Variants in IGSF3 observed in about 807,000 individuals in gnomAD.
IGSF3 encodes the protein immunoglobulin superfamily member 3.
Under a neutral mutation model 114.4 loss-of-function variants are expected in IGSF3, and 23 were observed. That is an observed-to-expected ratio of 0.20 (90% CI 0.14 to 0.28). The LOEUF (loss-of-function observed/expected upper bound fraction) is 0.28, where lower values mean the gene tolerates loss of function less well. Ranked by LOEUF, IGSF3 falls within the 10% of genes least tolerant of loss-of-function variation. The pLI is 1.00. For missense variants in IGSF3, 1,172 were observed against 1,591.5 expected (o/e 0.74, Z 4.48); for synonymous variants, 571 against 645.2 (o/e 0.88, Z 1.74).
rs879020682 is a variant in IGSF3 at position 116,585,148 on chromosome 1, CAGA to C, written c.2441-99_2441-97del. On this transcript the variant is annotated intron_variant, in intron 8 of 10. Coordinates refer to ENST00000369486, the MANE Select transcript of IGSF3 (RefSeq NM_001007237.3). This position sits in a 1 kb window ranked among gnomAD's most constrained non-coding sequence, Gnocchi z 4.9. Reference sequence around the variant, plus strand: ...TAGGTGAATGGATGCCTTCCAAATACAGAAGGACGGCAGCACACACTCCATTAG... The same window carrying C: ...TAGGTGAATGGATGCCTTCCAAATACAGGACGGCAGCACACACTCCATTAG... 6 of 907,460 alleles carry C rather than the reference CAGA, an allele frequency of 6.6e-6. No individual in the cohort carries two copies. The South Asian group carries it at 1.1e-4, about 17-fold the overall frequency. 56.2% of individuals were successfully genotyped at this position (907,460 alleles called of 1,614,324 possible).
rs1223992121 is a variant in IGSF3 at position 116,592,065 on chromosome 1, T to G, written c.2030-2961A>C. Among the ~76,000 whole-genome samples, 10 of 152,140 alleles carry G rather than the reference T, an allele frequency of 6.6e-5. No individual in the cohort carries two copies. The highest frequency in any genetic ancestry group is 2.9e-5 in the Non-Finnish European group (2 of 68,026). On this transcript the variant is annotated intron_variant, in intron 7 of 10. Transcript: ENST00000369486. The surrounding 1 kb of genome is among the most constrained non-coding windows in gnomAD (Gnocchi z 4.5). ...CACTTAGAATGGGAGTTGTCAAGCA[T>G]AAGTGGCAATCTTCCTGCTCAAAGT...
intron 7 of IGSF3, among the ~76,000 whole-genome samples, chr1:116,590,457 C>T (rs1161870603): frequency 6.6e-6 from 1 of 152,110 alleles, no homozygotes; most frequent in African/African-American, 2.4e-5. Context: ...ACTCTCTTCA[C>T]ACTTAGTTTT....
rs754176555 is a variant in IGSF3, at chr1:116,579,910, G to A, written c.2849-33C>T. 2 of 1,546,534 alleles carry A rather than the reference G, an allele frequency of 1.3e-6. No individual in the cohort carries two copies. Among genetic ancestry groups the A allele is most frequent in the African/African-American group, 1.4e-5 (1 of 72,758 alleles). On this transcript the variant is annotated intron_variant, in intron 9 of 10. Transcript: ENST00000369486. The surrounding 1 kb of genome is among the most constrained non-coding windows in gnomAD (Gnocchi z 6.4). ...ATGACAAGGGACAAACAGGGAAGGG[G>A]TTGTTTAAATTTATTTGCTCAAAAT...
At chr1:116,609,263 C>T (rs588017) in intron 4 of IGSF3, among the ~76,000 whole-genome samples, 79,821 of 151,724 alleles carry the variant, frequency 0.53, 24,559 homozygotes, top group African/African-American at 0.86. Context: ...TACTTATTTA[C>T]TGTGACAGGG....
At chr1:116,645,911 C>T (rs1307708022) in intron 2 of IGSF3, among the ~76,000 whole-genome samples, 1 of 152,194 alleles carries the variant, frequency 6.6e-6, no homozygotes, top group Non-Finnish European at 1.5e-5. Flanking sequence ...CCTGGTGGGG[C>T]CCTGGAAGCC....
chr1:116,637,844 G>T (rs763591418), intron 2 of IGSF3, among the ~76,000 whole-genome samples: 2 of 152,164 alleles, frequency 1.3e-5, no homozygotes, highest in Non-Finnish European at 2.9e-5. Flanking sequence ...ATTCAGATGA[G>T]TGTGACCTCT....
chr1:116,658,526 A>G (rs1398112942), intron 2 of IGSF3, among the ~76,000 whole-genome samples: 3 of 151,982 alleles, frequency 2.0e-5, no homozygotes, highest in African/African-American at 7.3e-5. Context: ...TAGCCCAGAT[A>G]CCCAGTCCTC....
chr1:116,660,986 C>T (rs1188998098), intron 2 of IGSF3, among the ~76,000 whole-genome samples: 1 of 152,050 alleles, frequency 6.6e-6, no homozygotes, highest in Non-Finnish European at 1.5e-5. Flanking sequence ...CTTGTGAAAC[C>T]ATTCACTCAT....
In IGSF3 at chr1:116,585,056, G is replaced by C. The variant is rs199817022; in HGVS notation, c.2441-4C>G. ...TGGCTGAGCCTCAGGCGGCTGTCTG[G>C]AACAGTAAGGAAGAGACGTCAGCGA... On this transcript the variant is annotated splice_polypyrimidine_tract_variant and splice_region_variant and intron_variant, in intron 8 of 10. Coordinates refer to ENST00000369486, the MANE Select transcript of IGSF3 (RefSeq NM_001007237.3). The surrounding 1 kb of genome is among the most constrained non-coding windows in gnomAD (Gnocchi z 4.9). The C allele has an allele frequency of 4.8e-5, 73 of 1,521,520 alleles. No homozygotes were observed. In the East Asian group the frequency reaches 1.4e-3, roughly 30 times the overall value. 94.3% of individuals were successfully genotyped at this position (1,521,520 alleles called of 1,614,324 possible).
At chr1:116,620,490 C>G (rs953416060) in intron 2 of IGSF3, among the ~76,000 whole-genome samples, 1 of 152,176 alleles carries the variant, frequency 6.6e-6, no homozygotes, top group Non-Finnish European at 1.5e-5. Context: ...CCCTCTCAGA[C>G]CTTGCCCTAT....
In IGSF3 at chr1:116,584,195, CAA is replaced by C. The variant is rs55953316; in HGVS notation, c.2848+448_2848+449del. Among the ~76,000 whole-genome samples the C allele has an allele frequency of 6.1e-5, 9 of 147,366 alleles. No individual in the cohort carries two copies. The highest frequency in any genetic ancestry group is 6.8e-5 in the Admixed American group (1 of 14,772). ...TGGGTGACAGAGTGAGACTCCGTTT[CAA>C]AAAAAAAAAAGTATTGGGAAGTGAC... is the stretch of plus-strand genomic sequence containing the variant. On this transcript the variant is annotated intron_variant, in intron 9 of 10. Transcript: ENST00000369486. This position sits in a 1 kb window ranked among gnomAD's most constrained non-coding sequence, Gnocchi z 5.8.
At chr1:116,631,760 T>C (rs1214953168) in intron 2 of IGSF3, among the ~76,000 whole-genome samples, 1 of 152,178 alleles carries the variant, frequency 6.6e-6, no homozygotes, top group Non-Finnish European at 1.5e-5. Context: ...AGAAGTGATC[T>C]TCCCCAGCCA....
At chr1:116,591,218 T>C (rs554805327) in intron 7 of IGSF3, among the ~76,000 whole-genome samples, 2 of 152,344 alleles carry the variant, frequency 1.3e-5, no homozygotes, top group East Asian at 3.9e-4. Context: ...ACTTTTCAGA[T>C]TGGATTCCTA....
Position 116,648,948 on chromosome 1 carries a change from G to A in IGSF3, c.43+17336C>T, listed in dbSNP as rs758719456. Reference sequence around the variant, plus strand: ...CCCAGAAACACTGAGAGTCCTAGAGGTAGAATGAGTCAGCCAGCAAGCTCC... The same window carrying A: ...CCCAGAAACACTGAGAGTCCTAGAGATAGAATGAGTCAGCCAGCAAGCTCC... On this transcript the variant is annotated intron_variant, in intron 2 of 10. Coordinates refer to ENST00000369486, the MANE Select transcript of IGSF3 (RefSeq NM_001007237.3). This position sits in a 1 kb window ranked among gnomAD's most constrained non-coding sequence, Gnocchi z 4.7. 6.6e-6 allele frequency among the ~76,000 whole-genome samples: 1 copy of A among 152,182 alleles called. No individual in the cohort carries two copies. The highest frequency in any genetic ancestry group is 1.5e-5 in the Non-Finnish European group (1 of 68,040).
In IGSF3 at chr1:116,613,799, A is replaced by G. The variant is rs778759234; in HGVS notation, c.798T>C (p.Arg266=). The stretch of plus-strand genomic sequence containing the variant: ...GGACGTTGACCACGGCTCCCTCGGA[A>G]CGCTTTCGGGTCATAGCATACCACG... ...DGSWYAMTRK[R]SEGAVVNVQP... Residue 266 remains arginine (R), a synonymous_variant, in exon 4 of 11, where the codon CGT becomes CGC. Transcript: ENST00000369486. 3.7e-6 allele frequency: 6 copies of G among 1,613,874 alleles called. No individual in the cohort carries two copies. Among genetic ancestry groups the G allele is most frequent in the African/African-American group, 1.3e-5 (1 of 74,926 alleles).
rs1649336445 is a variant in IGSF3, at chr1:116,666,399, A to G, written c.-73T>C. 1.5e-6 allele frequency: 2 copies of G among 1,349,934 alleles called. No homozygotes were observed. Among genetic ancestry groups the G allele is most frequent in the Non-Finnish European group, 2.1e-6 (2 of 938,804 alleles). The allele number at this position is 1,349,934 out of a possible 1,614,324, so 83.6% of individuals were successfully genotyped here. ...AGCTCCTAATCTCTCATTTCTGGCAATCCACTTATAGCTCCAGAGAACAGT... is the reference window on the plus strand; with the variant it reads ...AGCTCCTAATCTCTCATTTCTGGCAGTCCACTTATAGCTCCAGAGAACAGT... On this transcript the variant is annotated 5_prime_UTR_variant, in exon 2 of 11. Transcript: ENST00000369486.
In IGSF3 at chr1:116,592,154, G is replaced by A. The variant is rs1660138339; in HGVS notation, c.2030-3050C>T. On this transcript the variant is annotated intron_variant, in intron 7 of 10. Transcript: ENST00000369486. The surrounding 1 kb of genome is among the most constrained non-coding windows in gnomAD (Gnocchi z 4.5). ...ATGCAGACTCTCAGGCCCCACCCCA[G>A]ACCCAGTAAGTCAGAATCTGCACTT... 6.6e-6 allele frequency among the ~76,000 whole-genome samples: 1 copy of A among 152,172 alleles called. No individual in the cohort carries two copies. Among genetic ancestry groups the A allele is most frequent in the Non-Finnish European group, 1.5e-5 (1 of 68,030 alleles).
chr1:116,614,665 C>A lies in IGSF3; in HGVS notation c.422-490G>T, dbSNP rs1355510538. Among the ~76,000 whole-genome samples the A allele has an allele frequency of 5.3e-5, 8 of 152,242 alleles. No homozygotes were observed. In the South Asian group the frequency reaches 1.7e-3, roughly 32 times the overall value. Reference sequence around the variant, plus strand: ...CCTGTAACTTACTTCAGCAATGCAGCCCTAGGAAGATGATTTTTTTAAAAA... The same window carrying A: ...CCTGTAACTTACTTCAGCAATGCAGACCTAGGAAGATGATTTTTTTAAAAA... On this transcript the variant is annotated intron_variant, in intron 3 of 10. Transcript: ENST00000369486. This position sits in a 1 kb window ranked among gnomAD's most constrained non-coding sequence, Gnocchi z 4.5.
In IGSF3 at chr1:116,651,211, T is replaced by TAAAGGG. The variant is rs1648621891; in HGVS notation, c.43+15067_43+15072dup. Among the ~76,000 whole-genome samples the TAAAGGG allele has an allele frequency of 6.6e-6, 1 of 152,264 alleles. No individual in the cohort carries two copies. The highest frequency in any genetic ancestry group is 2.4e-5 in the African/African-American group (1 of 41,474). ...AAGTAAGTCTCCCTACACTAAGACT[T>TAAAGGG]AAAGGGAAGGCTTCTTTGGCTATGC... On this transcript the variant is annotated intron_variant, in intron 2 of 10. Coordinates refer to ENST00000369486, the MANE Select transcript of IGSF3 (RefSeq NM_001007237.3). The surrounding 1 kb of genome is among the most constrained non-coding windows in gnomAD (Gnocchi z 4.4).
Sources: gnomAD v4.1 joint callset for allele counts (sites outside exome capture counted in the v4.1 genomes callset) on GRCh38, gnomAD v4.1.1 for gene constraint, Gnocchi (gnomAD v3.1) non-coding constraint, MANE v1.5 for transcripts, NCBI Gene and HGNC (gene_info 2026-07-23, HGNC 2026-07-21) for gene names.